Variants in DMD observed in about 807,000 individuals in gnomAD.
DMD encodes the protein mutant dystrophin.
A neutral mutation model predicts 330.1 loss-of-function variants in DMD; 63 were observed. The observed-to-expected ratio is 0.19, with a 90% CI of 0.16 to 0.24. The LOEUF (loss-of-function observed/expected upper bound fraction) is 0.24. Among genes scored for constraint, DMD ranks in the 10% least tolerant of loss-of-function variants. The pLI is 1.00. For missense variants in DMD, 3,344 were observed against 2,684.1 expected (o/e 1.25, Z -5.43); for synonymous variants, 1,223 against 959.8 (o/e 1.27, Z -5.07).
intron 60 of DMD, among the ~76,000 whole-genome samples, chrX:31,420,926 T>C (rs1206572814): frequency 5.3e-5 from 6 of 112,244 alleles, no homozygotes; most frequent in Non-Finnish European, 1.1e-4. Context: ...ACTTCTCCTT[T>C]TTATCTCAAC....
chrX:32,442,942 T>A (rs1271566053), intron 27 of DMD, among the ~76,000 whole-genome samples: 2 of 111,082 alleles, frequency 1.8e-5, no homozygotes, highest in African/African-American at 6.5e-5. Flanking sequence ...CAATTGTTTT[T>A]TCACTCATAT....
At chrX:32,848,127 G>T (rs1425247443) in intron 3 of DMD, among the ~76,000 whole-genome samples, 2 of 111,954 alleles carry the variant, frequency 1.8e-5, no homozygotes, top group Admixed American at 9.5e-5. Context: ...CAGGAGAAGT[G>T]ATCACGCAGA....
chrX:31,205,842 A>G (rs977058586), intron 66 of DMD, among the ~76,000 whole-genome samples: 6 of 112,422 alleles, frequency 5.3e-5, no homozygotes, highest in Non-Finnish European at 7.5e-5. Context: ...AGGGGAAGAG[A>G]GAAAAGACAA....
At chrX:32,781,035 G>A (rs997935674) in intron 7 of DMD, among the ~76,000 whole-genome samples, 2 of 107,993 alleles carry the variant, frequency 1.9e-5, no homozygotes, top group Non-Finnish European at 3.8e-5. Flanking sequence ...GGAGAATAGC[G>A]TGAACCCGGG....
intron 52 of DMD, among the ~76,000 whole-genome samples, chrX:31,704,201 A>T (rs1378853084): frequency 8.9e-6 from 1 of 112,050 alleles, no homozygotes; most frequent in African/African-American, 3.2e-5. Context: ...ATGAACTTTT[A>T]AAATTAGTAT....
Position 32,560,196 on chromosome X carries a change from AT to A in DMD, c.1992+5505del, listed in dbSNP as rs66644832. 2.3e-3 allele frequency among the ~76,000 whole-genome samples: 220 copies of A among 93,838 alleles called. 1 individual carries two copies. The highest frequency in any genetic ancestry group is 7.1e-3 in the African/African-American group (201 of 28,389). 81.5% of individuals were successfully genotyped at this position (93,838 alleles called of 115,157 possible). On this transcript the variant is annotated intron_variant, in intron 16 of 78. Transcript: ENST00000357033. ...CCTTTAGACTCGCTTGAAAAAAAAA[AT>A]ATATATATATATGCTTACACCAAAG...
chrX:31,275,684 T>C (rs2052053604), intron 62 of DMD, among the ~76,000 whole-genome samples: 1 of 111,169 alleles, frequency 9.0e-6, no homozygotes, highest in Admixed American at 9.6e-5. Context: ...GTATGCCAAG[T>C]AGATGATGAC....
intron 11 of DMD, among the ~76,000 whole-genome samples, chrX:32,633,019 T>C (rs1282176254): frequency 8.9e-6 from 1 of 112,593 alleles, no homozygotes; most frequent in East Asian, 2.8e-4. Flanking sequence ...CATATCCATG[T>C]TGCAAATTTT....
intron 7 of DMD, among the ~76,000 whole-genome samples, chrX:32,718,712 C>T: frequency 1.8e-5 from 2 of 111,873 alleles, no homozygotes; most frequent in Non-Finnish European, 3.8e-5. Context: ...TTAAATATTA[C>T]CTGTTCACTG....
intron 34 of DMD, among the ~76,000 whole-genome samples, chrX:32,366,815 T>G (rs1185610004): frequency 8.9e-6 from 1 of 112,166 alleles, no homozygotes; most frequent in Non-Finnish European, 1.9e-5. Context: ...ATAAAAATTT[T>G]TATGCAAGAC....
At chrX:32,592,031 G>C (rs187988989) in intron 13 of DMD, among the ~76,000 whole-genome samples, 1 of 112,276 alleles carries the variant, frequency 8.9e-6, no homozygotes, top group African/African-American at 3.2e-5. Context: ...ATGAGCATGG[G>C]AGAGAGGCTG....
At chrX:31,745,402 A>G (rs1206896652) in intron 51 of DMD, among the ~76,000 whole-genome samples, 4 of 111,625 alleles carry the variant, frequency 3.6e-5, no homozygotes, top group Non-Finnish European at 5.6e-5. Context: ...CAGAGGTTTG[A>G]GAGCAGAAGA....
intron 37 of DMD, among the ~76,000 whole-genome samples, chrX:32,350,472 C>T (rs978252011): frequency 7.2e-5 from 8 of 111,112 alleles, no homozygotes; most frequent in Admixed American, 5.8e-4. Context: ...AGGCGTAAAA[C>T]GTAAGTCATG....
intron 63 of DMD, among the ~76,000 whole-genome samples, chrX:31,242,103 A>G (rs2147325334): frequency 9.3e-6 from 1 of 108,100 alleles, no homozygotes; most frequent in Non-Finnish European, 1.9e-5. Flanking sequence ...CAAAAATACA[A>G]AAATTAGCCA....
At chrX:31,784,741 C>T (rs184923534) in intron 50 of DMD, among the ~76,000 whole-genome samples, 1 of 111,819 alleles carries the variant, frequency 8.9e-6, no homozygotes, top group Non-Finnish European at 1.9e-5. Context: ...AATTGATACT[C>T]TACTATGTAC....
At chrX:31,969,248 A>C (rs1203068550) in intron 44 of DMD, among the ~76,000 whole-genome samples, 1 of 111,865 alleles carries the variant, frequency 8.9e-6, no homozygotes, top group East Asian at 2.8e-4. Flanking sequence ...AAAATAGCTC[A>C]ATTGAAAAGG....
intron 2 of DMD, among the ~76,000 whole-genome samples, chrX:32,867,228 T>G (rs765166360): frequency 8.9e-6 from 1 of 111,846 alleles, no homozygotes; most frequent in Non-Finnish European, 1.9e-5. Context: ...TACTGTCACT[T>G]TAGATAAAAA....
At chrX:31,564,065 T>C (rs1046689840) in intron 55 of DMD, among the ~76,000 whole-genome samples, 7 of 110,970 alleles carry the variant, frequency 6.3e-5, no homozygotes, top group Non-Finnish European at 1.1e-4. Flanking sequence ...GGCAGACATC[T>C]ACAGGACAAG....
intron 2 of DMD, among the ~76,000 whole-genome samples, chrX:32,874,352 A>G (rs766950382): frequency 3.6e-5 from 4 of 111,063 alleles, no homozygotes; most frequent in African/African-American, 1.3e-4. Context: ...AGAAGAATGA[A>G]CGGTCAGCAT....
Sources: allele counts gnomAD v4.1 joint callset (sites outside exome capture counted in the v4.1 genomes callset), GRCh38; gene constraint gnomAD v4.1.1; transcripts MANE v1.5; gene names NCBI Gene and HGNC (gene_info 2026-07-23, HGNC 2026-07-21).